Variants in KLHL20 observed in about 807,000 individuals in gnomAD.
KLHL20 encodes kelch like family member 20, also known as kelch-like protein 20.
A neutral mutation model predicts 69.5 loss-of-function variants in KLHL20; 29 were observed. The ratio of observed to expected loss-of-function variants is 0.42; its 90% CI spans 0.31 to 0.57. KLHL20 has a LOEUF of 0.57. Among genes scored for constraint, KLHL20 ranks in the 20% least tolerant of loss-of-function variants. The pLI, the probability that KLHL20 is intolerant of heterozygous loss-of-function variation, is 0.18. For missense variants in KLHL20, 419 were observed against 776.0 expected (o/e 0.54, Z 5.47); for synonymous variants, 253 against 265.2 (o/e 0.95, Z 0.45).
chr1:173,762,272 C>G (rs1454866016), intron 7 of KLHL20, among the ~76,000 whole-genome samples: 3 of 152,098 alleles, frequency 2.0e-5, no homozygotes, highest in Non-Finnish European at 4.4e-5. Context: ...GACGGATTCA[C>G]AGCAGAATTC....
chr1:173,737,146 T>C (rs1672573669), intron 3 of KLHL20, among the ~76,000 whole-genome samples: 2 of 152,378 alleles, frequency 1.3e-5, no homozygotes, highest in Non-Finnish European at 2.9e-5. Flanking sequence ...GGATCTGTAG[T>C]TTGCAAACAT....
chr1:173,738,316 G>T (rs1265518338), intron 3 of KLHL20, among the ~76,000 whole-genome samples: 1 of 151,976 alleles, frequency 6.6e-6, no homozygotes, highest in East Asian at 1.9e-4. Flanking sequence ...CTACAGATGC[G>T]CACCATCATG....
chr1:173,775,639 C>G lies in KLHL20; in HGVS notation c.1435C>G (p.Arg479Gly), dbSNP rs147885714. 1 of 1,613,796 alleles carries G rather than the reference C, an allele frequency of 6.2e-7. No homozygotes were observed. The highest frequency in any genetic ancestry group is 8.5e-7 in the Non-Finnish European group (1 of 1,179,806). Residue 479 changes from arginine (R) to glycine (G), a missense_variant, in exon 10 of 12, where the codon CGT (arginine) becomes GGT (glycine). Around this residue, in one of 6 missense-constraint regions of KLHL20, gnomAD observed 56 missense variants for 75.9 expected, o/e 0.74. Coordinates refer to ENST00000209884, the MANE Select transcript of KLHL20 (RefSeq NM_014458.4). ...GGTTTTTCTTTTCCCTACAGTGGAA[C>G]GTTACAATCCTCAGGAAAACAGATG... ...DGTSPLNTVE[R>G]YNPQENRWHT...
chr1:173,718,192 T>C (rs1671548594), intron 2 of KLHL20, among the ~76,000 whole-genome samples: 1 of 151,930 alleles, frequency 6.6e-6, no homozygotes, highest in Non-Finnish European at 1.5e-5. Context: ...CCTCCCAAAG[T>C]GTTGGGATTA....
Position 173,763,631 on chromosome 1 carries a change from G to T in KLHL20, c.1152-2515G>T, listed in dbSNP as rs182918715. Among the ~76,000 whole-genome samples, 306 of 151,958 alleles carry T rather than the reference G, an allele frequency of 2.0e-3. 1 individual carries two copies. The highest frequency in any genetic ancestry group is 3.5e-3 in the Non-Finnish European group (237 of 67,886). On this transcript the variant is annotated intron_variant, in intron 7 of 11. Coordinates refer to ENST00000209884, the MANE Select transcript of KLHL20 (RefSeq NM_014458.4). ...CAACAAAGCAAACAAAAACATAAAG[G>T]GGGGCAAGAACACTCTTTTCAACAA...
intron 3 of KLHL20, among the ~76,000 whole-genome samples, chr1:173,745,989 C>A (rs986994928): frequency 3.9e-4 from 60 of 151,992 alleles, no homozygotes; most frequent in Admixed American, 3.9e-3. Flanking sequence ...TCATGTCCAA[C>A]AATTCCTATT....
In KLHL20 at chr1:173,774,324, A is replaced by G; in HGVS notation, c.1315A>G (p.Lys439Glu). The G allele has an allele frequency of 6.2e-7, 1 of 1,614,134 alleles. No homozygotes were observed. The highest frequency in any genetic ancestry group is 8.5e-7 in the Non-Finnish European group (1 of 1,180,010). ...IVERYDPKEN[K>E]WTRVASMSTR... Reference sequence around the variant, plus strand: ...CTGCAGGTATGATCCGAAGGAGAACAAGTGGACTCGGGTAGCTTCTATGAG... The same window carrying G: ...CTGCAGGTATGATCCGAAGGAGAACGAGTGGACTCGGGTAGCTTCTATGAG... The change falls in exon 9 of 12, where the codon AAG becomes GAG. Residue 439 changes from lysine (K) to glutamate (E), a missense_variant. Physicochemically the swap from Lys to Glu is moderately conservative, Grantham distance 56. Coordinates refer to ENST00000209884, the MANE Select transcript of KLHL20 (RefSeq NM_014458.4).
intron 5 of KLHL20, among the ~76,000 whole-genome samples, chr1:173,755,509 C>G (rs1302957872): frequency 6.6e-6 from 1 of 152,112 alleles, no homozygotes. Flanking sequence ...CGATTTTTGA[C>G]CCAGTTTTAT....
At chr1:173,738,646 T>TA (rs1175844538) in intron 3 of KLHL20, among the ~76,000 whole-genome samples, 5 of 152,234 alleles carry the variant, frequency 3.3e-5, no homozygotes, top group African/African-American at 1.2e-4. Flanking sequence ...AGATGGTTTT[T>TA]ATTACCTTAA....
chr1:173,728,997 G>T (rs1282460243), intron 2 of KLHL20, among the ~76,000 whole-genome samples: 1 of 152,078 alleles, frequency 6.6e-6, no homozygotes, highest in Non-Finnish European at 1.5e-5. Context: ...TAATAAAGAA[G>T]AAAAGAGAAG....
intron 3 of KLHL20, chr1:173,741,694 T>G (rs1672816128): frequency 9.6e-7 from 1 of 1,038,508 alleles, no homozygotes; most frequent in Admixed American, 2.7e-5. Flanking sequence ...GCAAAGGATC[T>G]CCTTCATCCC....
chr1:173,726,424 G>A (rs1272165854), intron 2 of KLHL20, among the ~76,000 whole-genome samples: 1 of 152,178 alleles, frequency 6.6e-6, no homozygotes, highest in Non-Finnish European at 1.5e-5. Context: ...CACGCAGCTT[G>A]AGATCTGAAA....
At chr1:173,730,874 T>C (rs1015633116) in intron 2 of KLHL20, among the ~76,000 whole-genome samples, 4 of 151,904 alleles carry the variant, frequency 2.6e-5, no homozygotes, top group African/African-American at 9.7e-5. Flanking sequence ...ACAAATGGGA[T>C]CTAATTAAAC....
intron 7 of KLHL20, among the ~76,000 whole-genome samples, chr1:173,760,894 AAT>A (rs1449192174): frequency 6.6e-6 from 1 of 152,232 alleles, no homozygotes; most frequent in Non-Finnish European, 1.5e-5. Flanking sequence ...CTCACATTTC[AAT>A]ACTAACATTG....
intron 3 of KLHL20, chr1:173,741,869 G>C (rs1242571447): frequency 2.5e-6 from 4 of 1,579,040 alleles, no homozygotes; most frequent in Admixed American, 1.7e-5. Flanking sequence ...TCCTCTGCCA[G>C]CCTACAGGAG....
intron 11 of KLHL20, among the ~76,000 whole-genome samples, chr1:173,782,884 T>A (rs1648969383): frequency 6.6e-6 from 1 of 152,188 alleles, no homozygotes; most frequent in African/African-American, 2.4e-5. Flanking sequence ...TTTTAAATAT[T>A]CAAGAACCTT....
intron 3 of KLHL20, among the ~76,000 whole-genome samples, chr1:173,739,967 T>C (rs557042391): frequency 6.6e-6 from 1 of 152,094 alleles, no homozygotes; most frequent in African/African-American, 2.4e-5. Flanking sequence ...TGAGCTTATT[T>C]GGATCTTCTC....
At chr1:173,747,717 T>C (rs1162751172) in intron 3 of KLHL20, among the ~76,000 whole-genome samples, 2 of 152,034 alleles carry the variant, frequency 1.3e-5, no homozygotes, top group Non-Finnish European at 2.9e-5. Context: ...TTATATTTAC[T>C]GTATTTCTTT....
intron 8 of KLHL20, among the ~76,000 whole-genome samples, chr1:173,766,733 C>T (rs1489250747): frequency 6.6e-6 from 1 of 151,050 alleles, no homozygotes; most frequent in Non-Finnish European, 1.5e-5. Context: ...AGGCTTTCAG[C>T]AAAAAGTCTT....
Sources: allele counts gnomAD v4.1 joint callset (sites outside exome capture counted in the v4.1 genomes callset), GRCh38; gene constraint gnomAD v4.1.1; regional missense constraint gnomAD v4.1.1; transcripts MANE v1.5; gene names NCBI Gene and HGNC (gene_info 2026-07-23, HGNC 2026-07-21).